Variants in FAM114A1 observed in about 807,000 individuals in gnomAD.
FAM114A1 encodes the protein protein NOXP20.
In FAM114A1, 62 loss-of-function variants were observed where a neutral mutation model predicts 64.3. The observed-to-expected ratio is 0.96, with a 90% confidence interval of 0.79 to 1.19. The LOEUF (loss-of-function observed/expected upper bound fraction) is 1.19. Ranked by LOEUF, FAM114A1 falls within the 50% of genes most tolerant of loss-of-function variation. The pLI, the probability that FAM114A1 is intolerant of heterozygous loss-of-function variation, is 0.00. For missense variants in FAM114A1, 645 were observed against 676.3 expected (o/e 0.95, Z 0.51); for synonymous variants, 254 against 251.1 (o/e 1.01, Z -0.11).
chr4:38,931,637 C>T (rs948879391), intron 11 of FAM114A1, 25 bp downstream of exon 11: 9 of 1,598,196 alleles, frequency 5.6e-6, no homozygotes, highest in Admixed American at 1.8e-5. Flanking sequence ...GATTGTCTGC[C>T]TACAAGGTAA....
intron 2 of FAM114A1, among the ~76,000 whole-genome samples, chr4:38,870,567 C>T (rs1713947771): frequency 6.6e-6 from 1 of 152,176 alleles, no homozygotes; most frequent in Non-Finnish European, 1.5e-5. Context: ...TTATTCCCAG[C>T]CCACAAAGGC....
intron 3 of FAM114A1, among the ~76,000 whole-genome samples, chr4:38,880,806 CTACTAATTCAAAATCCA>C (rs1378482369): frequency 6.6e-6 from 1 of 152,210 alleles, no homozygotes; most frequent in Admixed American, 6.5e-5. Flanking sequence ...TATACAAGCT[CTACTAATTCAAAATCCA>C]TACTAATTCA....
In FAM114A1 at chr4:38,880,290, A is replaced by G. The variant is rs142329463; in HGVS notation, c.348+1864A>G. ...TTGTAATGTTTGGCCAGGATTGAGA[A>G]TAATTAGTTTAGGCTAAAGAATTTT... On this transcript the variant is annotated intron_variant, in intron 3 of 14. Transcript: ENST00000358869. Among the ~76,000 whole-genome samples the G allele has an allele frequency of 4.3e-3, 657 of 152,242 alleles. 8 individuals carry two copies. The highest frequency in any genetic ancestry group is 0.015 in the African/African-American group (623 of 41,542).
intron 6 of FAM114A1, among the ~76,000 whole-genome samples, chr4:38,907,256 GGATGGGAGATGGA>G: frequency 6.6e-6 from 1 of 152,288 alleles, no homozygotes; most frequent in Middle Eastern, 3.4e-3. Context: ...GGGGTTTGTA[GGATGGGAGATGGA>G]TGGAGCTCTG....
At chr4:38,896,986 C>A (rs867483155) in intron 4 of FAM114A1, among the ~76,000 whole-genome samples, 3 of 152,150 alleles carry the variant, frequency 2.0e-5, no homozygotes, top group Admixed American at 6.5e-5. Context: ...CAATTGAGCA[C>A]TAGAAATGGA....
intron 4 of FAM114A1, among the ~76,000 whole-genome samples, chr4:38,892,283 T>G (rs1366744927): frequency 6.6e-6 from 1 of 152,222 alleles, no homozygotes; most frequent in East Asian, 1.9e-4. Flanking sequence ...AGCAGGATAT[T>G]ACAATATAAG....
chr4:38,929,327 C>T lies in FAM114A1; in HGVS notation c.1155C>T (p.Leu385=), dbSNP rs372821613. ...ATGTGGCGGCCACACCTGACAAACT[C>T]AATAAGGTCAGCACTGTCTGATTTA... is the stretch of plus-strand genomic sequence containing the variant. ...ELHVAATPDK[L]NKAMKRAHDW... The change falls in exon 10 of 15, where the codon CTC becomes CTT. Residue 385 remains leucine, a synonymous_variant. Coordinates refer to ENST00000358869, the MANE Select transcript of FAM114A1 (RefSeq NM_138389.4). The T allele has an allele frequency of 1.9e-6, 3 of 1,610,430 alleles. No homozygotes were observed. In the South Asian group the frequency reaches 3.3e-5, roughly 18 times the overall value.
intron 3 of FAM114A1, among the ~76,000 whole-genome samples, chr4:38,887,944 A>G (rs1715974947): frequency 6.6e-6 from 1 of 152,194 alleles, no homozygotes; most frequent in African/African-American, 2.4e-5. Context: ...CAAAACTCAC[A>G]GGTTTCATTG....
At chr4:38,891,481 G>A (rs1235270017) in intron 3 of FAM114A1, among the ~76,000 whole-genome samples, 3 of 151,940 alleles carry the variant, frequency 2.0e-5, no homozygotes, top group Non-Finnish European at 2.9e-5. Context: ...AGAGAGAATC[G>A]AGGCTCAGTT....
chr4:38,871,416 G>A (rs1714068587), intron 2 of FAM114A1, among the ~76,000 whole-genome samples: 1 of 151,766 alleles, frequency 6.6e-6, no homozygotes, highest in African/African-American at 2.4e-5. Flanking sequence ...CAGATGTAAA[G>A]ATCTAGTATT....
At chr4:38,925,405 C>T (rs995282793) in intron 9 of FAM114A1, among the ~76,000 whole-genome samples, 4 of 152,112 alleles carry the variant, frequency 2.6e-5, no homozygotes, top group Non-Finnish European at 5.9e-5. Flanking sequence ...CAAAAGCTGT[C>T]GTAAGGAATC....
intron 10 of FAM114A1, among the ~76,000 whole-genome samples, chr4:38,930,609 G>T (rs1377984510): frequency 1.3e-5 from 2 of 152,134 alleles, no homozygotes; most frequent in Non-Finnish European, 2.9e-5. Context: ...AGATCTTCTT[G>T]CTGTTAACTT....
At chr4:38,914,668 A>T in intron 7 of FAM114A1, 1 of 400,048 alleles carries the variant, frequency 2.5e-6, no homozygotes. Flanking sequence ...GTTTCTTAAC[A>T]GTTTATTCCC....
rs115469572 is a variant in FAM114A1, at chr4:38,869,901, C to T, written c.-9+1355C>T. On this transcript the variant is annotated intron_variant, in intron 2 of 14. Coordinates refer to ENST00000358869, the MANE Select transcript of FAM114A1 (RefSeq NM_138389.4). Reference sequence around the variant, plus strand: ...GCTAAACTTGAAAGATGAAGGCAGTCCTTTACATTTAATAAATTTAGATTT... The same window carrying T: ...GCTAAACTTGAAAGATGAAGGCAGTTCTTTACATTTAATAAATTTAGATTT... Among the ~76,000 whole-genome samples the T allele has an allele frequency of 6.5e-3, 996 of 152,220 alleles. 14 individuals carry two copies. Among genetic ancestry groups the T allele is most frequent in the African/African-American group, 0.022 (916 of 41,518 alleles).
At chr4:38,879,162 C>T (rs570104081) in intron 3 of FAM114A1, among the ~76,000 whole-genome samples, 21 of 152,180 alleles carry the variant, frequency 1.4e-4, no homozygotes, top group African/African-American at 4.8e-4. Flanking sequence ...GGGTGGGAGA[C>T]GCCCCGCATT....
chr4:38,912,290 C>A (rs899718862), intron 7 of FAM114A1, among the ~76,000 whole-genome samples: 1 of 152,172 alleles, frequency 6.6e-6, no homozygotes, highest in Non-Finnish European at 1.5e-5. Context: ...TTGAAACCCA[C>A]TTCCCTTTCT....
In FAM114A1 at chr4:38,933,979, G is replaced by A. The variant is rs1004445017; in HGVS notation, c.1463+1605G>A. Among the ~76,000 whole-genome samples the A allele has an allele frequency of 2.0e-5, 3 of 152,184 alleles. No homozygotes were observed. The South Asian group carries it at 6.2e-4, about 31-fold the overall frequency. ...CTCACTTGTAAAGATCCGTCATCTAGTCTAGATTTCCATATCTAAGGATAT... is the reference window on the plus strand; with the variant it reads ...CTCACTTGTAAAGATCCGTCATCTAATCTAGATTTCCATATCTAAGGATAT... On this transcript the variant is annotated intron_variant, in intron 12 of 14. Coordinates refer to ENST00000358869, the MANE Select transcript of FAM114A1 (RefSeq NM_138389.4).
At chr4:38,932,192 T>C in intron 11 of FAM114A1, 43 bp from the exon 12 acceptor site, 1 of 1,560,970 alleles carries the variant, frequency 6.4e-7, no homozygotes, top group South Asian at 1.2e-5. Context: ...TAAAAAAGCA[T>C]CTGCTCAGTA....
rs1302935106 is a variant in FAM114A1, at chr4:38,942,131, A to G, written c.1590+1110A>G. On this transcript the variant is annotated intron_variant, in intron 14 of 14. Coordinates refer to ENST00000358869, the MANE Select transcript of FAM114A1 (RefSeq NM_138389.4). ...AATAGCACGGGAAAGACCTGCCCCC[A>G]TGATTCAATTACTTCCCATCAGGTC... is the stretch of plus-strand genomic sequence containing the variant. 4.6e-5 allele frequency among the ~76,000 whole-genome samples: 7 copies of G among 152,320 alleles called. No homozygotes were observed. In the East Asian group the frequency reaches 1.3e-3, roughly 29 times the overall value.
Sources: gnomAD v4.1 joint callset for allele counts (sites outside exome capture counted in the v4.1 genomes callset) on GRCh38, gnomAD v4.1.1 for gene constraint, MANE v1.5 for transcripts, NCBI Gene and HGNC (gene_info 2026-07-23, HGNC 2026-07-21) for gene names.